The following STPG2 variants were observed in gnomAD, a reference collection of about 807,000 sequenced individuals.
The protein encoded by STPG2 is sperm tail PG-rich repeat containing 2, also known as sperm-tail PG-rich repeat-containing protein 2.
A neutral mutation model predicts 54.2 loss-of-function variants in STPG2; 56 were observed. The ratio of observed to expected loss-of-function variants is 1.03; its 90% CI spans 0.83 to 1.29. STPG2 has a LOEUF of 1.29. STPG2 is among the 50% of genes most tolerant of loss of function. The pLI is 0.00. For missense variants in STPG2, 596 were observed against 544.9 expected (o/e 1.09, Z -0.93); for synonymous variants, 200 against 181.8 (o/e 1.10, Z -0.81).
At chr4:97,602,383 C>T (rs185950228) in intron 10 of STPG2, among the ~76,000 whole-genome samples, 3 of 151,850 alleles carry the variant, frequency 2.0e-5, no homozygotes, top group Admixed American at 2.0e-4. Context: ...CTGTATAGAC[C>T]TATTCCATAC....
chr4:97,873,257 TC>T (rs985147861), intron 8 of STPG2, among the ~76,000 whole-genome samples: 5 of 150,846 alleles, frequency 3.3e-5, no homozygotes, highest in African/African-American at 1.2e-4. Flanking sequence ...CATTTATAAC[TC>T]CTTTCTCTAA....
intron 10 of STPG2, among the ~76,000 whole-genome samples, chr4:97,564,745 A>C (rs1732375436): frequency 6.6e-6 from 1 of 152,184 alleles, no homozygotes; most frequent in Admixed American, 6.5e-5. Context: ...TTTCTTTAAG[A>C]ATGTTGAATA....
In STPG2 at chr4:98,112,610, C is replaced by CT. The variant is rs1246148122; in HGVS notation, c.388-3306dup. 2.0e-5 allele frequency among the ~76,000 whole-genome samples: 3 copies of CT among 152,018 alleles called. No homozygotes were observed. The East Asian group carries it at 5.8e-4, about 29-fold the overall frequency. ...AAGTAAAATGAGACCTTTGTTGATTCTTTTTTCATAGATGCAAACGTGTAC... is the reference window on the plus strand; with the variant it reads ...AAGTAAAATGAGACCTTTGTTGATTCTTTTTTTCATAGATGCAAACGTGTAC... On this transcript the variant is annotated intron_variant, in intron 3 of 10. Coordinates refer to ENST00000295268, the MANE Select transcript of STPG2 (RefSeq NM_174952.3).
chr4:97,743,466 A>C (rs1725329961), intron 9 of STPG2, among the ~76,000 whole-genome samples: 1 of 151,808 alleles, frequency 6.6e-6, no homozygotes, highest in African/African-American at 2.4e-5. Context: ...CTTCTGGAAG[A>C]GTATGATAAA....
intron 1 of STPG2, among the ~76,000 whole-genome samples, chr4:98,139,583 AC>A (rs200772048): frequency 0.02 from 3,015 of 152,290 alleles, 41 homozygotes; most frequent in South Asian, 0.063. Context: ...GATGGTAGCT[AC>A]TTTTAAATTA....
chr4:97,998,872 G>GTGGT (rs1735325178), intron 5 of STPG2, among the ~76,000 whole-genome samples: 1 of 152,192 alleles, frequency 6.6e-6, no homozygotes, highest in Non-Finnish European at 1.5e-5. Context: ...GCACATGTCA[G>GTGGT]TGGTTCCTGA....
chr4:97,662,868 C>T (rs888940193), intron 10 of STPG2, among the ~76,000 whole-genome samples: 27 of 152,072 alleles, frequency 1.8e-4, no homozygotes, highest in African/African-American at 6.3e-4. Flanking sequence ...AGGATCTGTA[C>T]CCCAAACTTC....
chr4:97,906,368 T>C (rs1157105180), intron 8 of STPG2, among the ~76,000 whole-genome samples: 2 of 152,164 alleles, frequency 1.3e-5, no homozygotes, highest in Admixed American at 6.5e-5. Context: ...ATTGTGGCAA[T>C]AGTCAATAGC....
intron 10 of STPG2, among the ~76,000 whole-genome samples, chr4:97,650,205 C>T (rs1384372658): frequency 6.6e-6 from 1 of 152,162 alleles, no homozygotes; most frequent in African/African-American, 2.4e-5. Context: ...TTGCCTGCCA[C>T]ATACCTCCTG....
intron 5 of STPG2, among the ~76,000 whole-genome samples, chr4:98,069,815 G>A (rs745598875): frequency 6.6e-6 from 1 of 151,918 alleles, no homozygotes; most frequent in Non-Finnish European, 1.5e-5. Context: ...AGCATTTAAG[G>A]GTAATGAAAG....
Position 98,084,664 on chromosome 4 carries a change from C to G in STPG2, c.612+21289G>C, listed in dbSNP as rs967043040. 3.3e-5 allele frequency among the ~76,000 whole-genome samples: 5 copies of G among 152,006 alleles called. No homozygotes were observed. In the South Asian group the frequency reaches 6.2e-4, roughly 19 times the overall value. On this transcript the variant is annotated intron_variant, in intron 5 of 10. Transcript: ENST00000295268. ...TACTTTAGCCATTTAAATGGGGGTG[C>G]CTTGGTATGTCACTGTCATTTTTGT... is the stretch of plus-strand genomic sequence containing the variant.
At chr4:98,089,522 T>C (rs1238592594) in intron 5 of STPG2, among the ~76,000 whole-genome samples, 3 of 151,964 alleles carry the variant, frequency 2.0e-5, no homozygotes, top group Non-Finnish European at 4.4e-5. Context: ...TGCATGTGCA[T>C]GTGTTTTTTT....
At chr4:97,817,348 A>G (rs902523968) in intron 9 of STPG2, among the ~76,000 whole-genome samples, 5 of 151,922 alleles carry the variant, frequency 3.3e-5, no homozygotes, top group Non-Finnish European at 5.9e-5. Flanking sequence ...TACTCTTCAC[A>G]ATCTATTACT....
At chr4:97,818,341 A>G (rs979368708) in intron 9 of STPG2, among the ~76,000 whole-genome samples, 3 of 152,012 alleles carry the variant, frequency 2.0e-5, no homozygotes, top group Non-Finnish European at 4.4e-5. Context: ...ATACATATCC[A>G]TAATAAAGTT....
At chr4:97,492,675 A>G (rs993140215) in intron 4 of STPG2, among the ~76,000 whole-genome samples, 26 of 151,012 alleles carry the variant, frequency 1.7e-4, no homozygotes, top group Admixed American at 1.6e-3. Context: ...GTGAGGAGAA[A>G]TTTGGGGGTT....
intron 8 of STPG2, among the ~76,000 whole-genome samples, chr4:97,858,845 C>T (rs544806626): frequency 1.8e-4 from 27 of 152,188 alleles, no homozygotes; most frequent in Admixed American, 6.5e-4. Flanking sequence ...TTGTGAATTG[C>T]GCTGCTATAA....
intron 5 of STPG2, among the ~76,000 whole-genome samples, chr4:98,064,980 G>A (rs909603246): frequency 1.3e-5 from 2 of 152,130 alleles, no homozygotes; most frequent in African/African-American, 4.8e-5. Flanking sequence ...GCTCATTGCA[G>A]CCTGAAACTC....
intron 8 of STPG2, among the ~76,000 whole-genome samples, chr4:97,856,860 T>C (rs543672706): frequency 1.3e-5 from 2 of 152,326 alleles, no homozygotes; most frequent in South Asian, 4.1e-4. Context: ...GCAGTGTTTT[T>C]AACATGAAGA....
At chr4:97,885,358 C>T (rs1268776083) in intron 8 of STPG2, among the ~76,000 whole-genome samples, 1 of 152,126 alleles carries the variant, frequency 6.6e-6, no homozygotes, top group Admixed American at 6.6e-5. Flanking sequence ...ATCATGACAT[C>T]CCCAGAATAA....
Sources: gnomAD v4.1 joint callset for allele counts (sites outside exome capture counted in the v4.1 genomes callset) on GRCh38, gnomAD v4.1.1 for gene constraint, MANE v1.5 for transcripts, NCBI Gene and HGNC (gene_info 2026-07-23, HGNC 2026-07-21) for gene names.